Variants in SNX29 observed in about 807,000 individuals in gnomAD.
SNX29 encodes sorting nexin 29.
Under a neutral mutation model 102.1 loss-of-function variants are expected in SNX29, and 78 were observed. The ratio of observed to expected loss-of-function variants is 0.76; its 90% CI spans 0.64 to 0.92. The LOEUF (loss-of-function observed/expected upper bound fraction) is 0.92. Ranked by LOEUF, SNX29 falls within the 40% of genes least tolerant of loss-of-function variation. The probability of loss-of-function intolerance (pLI) is 0.00; values close to 1 mark genes in which losing one functional copy is unlikely to be tolerated. For synonymous variants in SNX29, 580 were observed against 414.5 expected (o/e 1.40, Z -4.85); for missense variants, 1,280 against 1,061.7 (o/e 1.21, Z -2.86).
chr16:12,160,043 G>C (rs1287910313), intron 13 of SNX29, among the ~76,000 whole-genome samples: 1 of 152,232 alleles, frequency 6.6e-6, no homozygotes, highest in Non-Finnish European at 1.5e-5. Flanking sequence ...AGGCTAGTCA[G>C]ATGTCTCTAA....
chr16:12,514,873 AAAG>A, intron 19 of SNX29, among the ~76,000 whole-genome samples: 1 of 148,302 alleles, frequency 6.7e-6, no homozygotes. Flanking sequence ...TCTAAAAAAC[AAAG>A]AAAGAAAGAA....
chr16:12,482,833 A>G (rs936850877), intron 19 of SNX29, among the ~76,000 whole-genome samples: 1 of 152,210 alleles, frequency 6.6e-6, no homozygotes, highest in South Asian at 2.1e-4. Context: ...CTTAATCCCA[A>G]TTTGAATCTT....
chr16:12,162,091 C>G (rs933289815), intron 13 of SNX29, among the ~76,000 whole-genome samples: 4 of 152,298 alleles, frequency 2.6e-5, no homozygotes, highest in African/African-American at 9.6e-5. Flanking sequence ...GTGCCATGTA[C>G]TTACTTCCTG....
chr16:12,278,158 CACAAA>C, intron 15 of SNX29, 122 bp downstream of exon 15: 1 of 759,492 alleles, frequency 1.3e-6, no homozygotes, highest in Non-Finnish European at 2.2e-6. Context: ...TCCTCAGCCC[CACAAA>C]ACAAAGCAAG....
intron 16 of SNX29, among the ~76,000 whole-genome samples, chr16:12,365,543 A>G (rs1245882244): frequency 6.6e-6 from 1 of 151,200 alleles, no homozygotes; most frequent in Non-Finnish European, 1.5e-5. Flanking sequence ...TACAAAAATT[A>G]GCCATGCATG....
intron 15 of SNX29, among the ~76,000 whole-genome samples, chr16:12,300,563 C>G (rs1220620453): frequency 1.3e-5 from 2 of 152,158 alleles, no homozygotes; most frequent in African/African-American, 4.8e-5. Context: ...TCCTATGTAA[C>G]TGCTTTTCCC....
chr16:12,574,235 A>G lies in SNX29; in HGVS notation c.*5606A>G, dbSNP rs889401642. ...TTTTGTTACAACCTGGTTGAGATCA[A>G]CCTCTTTACAATGACACAAATTGTG... On this transcript the variant is annotated 3_prime_UTR_variant, in exon 21 of 21. Coordinates refer to ENST00000566228, the MANE Select transcript of SNX29 (RefSeq NM_032167.5). 3.4e-5 allele frequency: 6 copies of G among 176,926 alleles called. No individual in the cohort carries two copies. In the East Asian group the frequency reaches 5.7e-4, roughly 17 times the overall value. 11.0% of individuals were successfully genotyped at this position (176,926 alleles called of 1,614,324 possible).
At position 12,570,249 on chromosome 16, in the gene SNX29, C is replaced by T. The variant is rs1249753399; in HGVS notation, c.*1620C>T. ...CCCTGCCCCGGTGAGACCAAATGAG[C>T]TGGAGCATGTATGGAGGTGCGGACC... On this transcript the variant is annotated 3_prime_UTR_variant, in exon 21 of 21. Transcript: ENST00000566228. The T allele has an allele frequency of 2.4e-5, 26 of 1,065,010 alleles. No individual in the cohort carries two copies. The highest frequency in any genetic ancestry group is 3.0e-5 in the Non-Finnish European group (26 of 879,196). 66.0% of individuals were successfully genotyped at this position (1,065,010 alleles called of 1,614,324 possible).
intron 4 of SNX29, among the ~76,000 whole-genome samples, chr16:12,030,761 T>A (rs892305697): frequency 6.6e-6 from 1 of 152,352 alleles, no homozygotes; most frequent in African/African-American, 2.4e-5. Context: ...ATCCAGTGCG[T>A]GATCTGGCTT....
intron 18 of SNX29, among the ~76,000 whole-genome samples, chr16:12,415,256 C>G (rs2084581175): frequency 6.6e-6 from 1 of 152,238 alleles, no homozygotes; most frequent in African/African-American, 2.4e-5. Context: ...TGTACAAGCG[C>G]CACACTGTCC....
chr16:12,368,789 C>T (rs182896021), intron 16 of SNX29, among the ~76,000 whole-genome samples: 2 of 152,350 alleles, frequency 1.3e-5, no homozygotes, highest in East Asian at 3.9e-4. Context: ...ACAACGTCAC[C>T]TGCAGGAGAA....
At chr16:11,986,569 T>A (rs2055636366) in intron 1 of SNX29, among the ~76,000 whole-genome samples, 1 of 152,230 alleles carries the variant, frequency 6.6e-6, no homozygotes. Flanking sequence ...GCGTTTCTGC[T>A]TACATGATAG....
chr16:12,129,792 G>T (rs769911977), intron 13 of SNX29, 34 bp downstream of exon 13: 3 of 1,567,446 alleles, frequency 1.9e-6, no homozygotes, highest in East Asian at 2.3e-5. Flanking sequence ...AGGTAAGCAC[G>T]TGGGGGCTTC....
At chr16:12,345,874 G>T (rs898629436) in intron 15 of SNX29, among the ~76,000 whole-genome samples, 2 of 152,252 alleles carry the variant, frequency 1.3e-5, no homozygotes, top group Non-Finnish European at 2.9e-5. Context: ...AGCCATTGAA[G>T]AATTTTTTTT....
At chr16:12,315,898 A>T (rs2080717247) in intron 15 of SNX29, among the ~76,000 whole-genome samples, 1 of 152,226 alleles carries the variant, frequency 6.6e-6, no homozygotes, top group African/African-American at 2.4e-5. Flanking sequence ...CTTCTGGGTC[A>T]GGGGCTGGAG....
At chr16:12,468,330 A>C (rs2087167400) in intron 18 of SNX29, among the ~76,000 whole-genome samples, 1 of 151,558 alleles carries the variant, frequency 6.6e-6, no homozygotes, top group South Asian at 2.1e-4. Context: ...ACCCGCCACC[A>C]TGCCCCGCTA....
chr16:12,314,166 T>C (rs1015419134), intron 15 of SNX29, among the ~76,000 whole-genome samples: 1 of 152,092 alleles, frequency 6.6e-6, no homozygotes, highest in Non-Finnish European at 1.5e-5. Context: ...ATTTTTTTAT[T>C]TTTTTTAACC....
chr16:12,563,513 C>G (rs77056874), intron 20 of SNX29, among the ~76,000 whole-genome samples: 81 of 152,260 alleles, frequency 5.3e-4, no homozygotes, highest in Admixed American at 1.6e-3. Context: ...GACTCCTCCC[C>G]GCATGTGAAA....
chr16:12,461,984 TA>T (rs2086810365), intron 18 of SNX29, among the ~76,000 whole-genome samples: 1 of 51,602 alleles, frequency 1.9e-5, no homozygotes, highest in Non-Finnish European at 3.1e-5. Flanking sequence ...AAAAAATATA[TA>T]TATATATATA....
Sources: gnomAD v4.1 joint callset for allele counts (sites outside exome capture counted in the v4.1 genomes callset) on GRCh38, gnomAD v4.1.1 for gene constraint, MANE v1.5 for transcripts, NCBI Gene and HGNC (gene_info 2026-07-23, HGNC 2026-07-21) for gene names.